The following GALNTL6 variants were observed in gnomAD, a reference collection of about 807,000 sequenced individuals.
GALNTL6 encodes the protein polypeptide N-acetylgalactosaminyltransferase-like 6.
A neutral mutation model predicts 73.7 loss-of-function variants in GALNTL6; 46 were observed. That is an observed-to-expected ratio of 0.62 (90% CI 0.49 to 0.80). The LOEUF is 0.80. GALNTL6 is among the 30% of genes least tolerant of loss of function. The probability of loss-of-function intolerance (pLI) is 0.00; values close to 1 mark genes in which losing one functional copy is unlikely to be tolerated. For synonymous variants in GALNTL6, 259 were observed against 263.7 expected (o/e 0.98, Z 0.17); for missense variants, 604 against 755.0 (o/e 0.80, Z 2.34).
At chr4:172,411,062 A>G (rs1744416888) in intron 5 of GALNTL6, among the ~76,000 whole-genome samples, 1 of 152,146 alleles carries the variant, frequency 6.6e-6, no homozygotes, top group South Asian at 2.1e-4. Flanking sequence ...TAAATGAACT[A>G]TGCTACCCCC....
intron 5 of GALNTL6, among the ~76,000 whole-genome samples, chr4:172,502,429 A>C (rs979141251): frequency 5.9e-5 from 9 of 152,326 alleles, no homozygotes; most frequent in African/African-American, 2.2e-4. Flanking sequence ...AACATTGATT[A>C]AAATTAGTCA....
intron 5 of GALNTL6, among the ~76,000 whole-genome samples, chr4:172,484,851 T>C (rs1325691516): frequency 6.6e-6 from 1 of 152,174 alleles, no homozygotes; most frequent in Admixed American, 6.5e-5. Context: ...CAATATAACC[T>C]TGTTTTGGAG....
chr4:172,189,872 C>A (rs570584885), intron 2 of GALNTL6, among the ~76,000 whole-genome samples: 1 of 152,080 alleles, frequency 6.6e-6, no homozygotes, highest in Non-Finnish European at 1.5e-5. Context: ...TAACTTGAGG[C>A]AGATGGAAAT....
chr4:172,150,752 A>G (rs1055621355), intron 2 of GALNTL6, among the ~76,000 whole-genome samples: 2 of 152,200 alleles, frequency 1.3e-5, no homozygotes, highest in East Asian at 1.9e-4. Context: ...CGACATAATA[A>G]AAGATACATT....
At chr4:172,707,640 T>C (rs1223917634) in intron 5 of GALNTL6, among the ~76,000 whole-genome samples, 1 of 152,190 alleles carries the variant, frequency 6.6e-6, no homozygotes, top group African/African-American at 2.4e-5. Context: ...GAAGACTTTA[T>C]TCAGACCTGT....
chr4:172,535,040 A>T (rs1735299786), intron 5 of GALNTL6, among the ~76,000 whole-genome samples: 1 of 152,224 alleles, frequency 6.6e-6, no homozygotes. Flanking sequence ...ACAAGAGCTA[A>T]ACACGACATT....
intron 2 of GALNTL6, among the ~76,000 whole-genome samples, chr4:172,194,976 ACC>A (rs751661096): frequency 1.3e-5 from 2 of 152,292 alleles, no homozygotes; most frequent in Non-Finnish European, 2.9e-5. Flanking sequence ...TGCACTAAAT[ACC>A]CCAATTAAAA....
At chr4:172,313,988 C>T (rs911410222) in intron 4 of GALNTL6, among the ~76,000 whole-genome samples, 1 of 152,114 alleles carries the variant, frequency 6.6e-6, no homozygotes, top group Non-Finnish European at 1.5e-5. Context: ...AAACGGAGAG[C>T]CAAATAATGT....
intron 5 of GALNTL6, among the ~76,000 whole-genome samples, chr4:172,385,818 T>A (rs919728783): frequency 6.6e-6 from 1 of 151,998 alleles, no homozygotes; most frequent in Non-Finnish European, 1.5e-5. Context: ...GTCTTTTGCT[T>A]CTTTGTTCTT....
At position 172,352,990 on chromosome 4, in the gene GALNTL6, A is replaced by G. The variant is rs146280829; in HGVS notation, c.553+4301A>G. ...TAGACAGCCCGCACTCCTACTATCC[A>G]AATTGTGGTGCATGGACCAGCAGCA... is the stretch of plus-strand genomic sequence containing the variant. On this transcript the variant is annotated intron_variant, in intron 5 of 12. Transcript: ENST00000506823. 3.9e-4 allele frequency among the ~76,000 whole-genome samples: 59 copies of G among 152,244 alleles called. 3 individuals carry two copies. The East Asian group carries it at 0.011, about 29-fold the overall frequency.
intron 2 of GALNTL6, among the ~76,000 whole-genome samples, chr4:172,160,735 T>G (rs1414766546): frequency 6.6e-6 from 1 of 151,862 alleles, no homozygotes; most frequent in Non-Finnish European, 1.5e-5. Flanking sequence ...ATTATAGGGA[T>G]ATATAAATTT....
At chr4:172,986,831 T>G (rs1751310261) in intron 10 of GALNTL6, among the ~76,000 whole-genome samples, 1 of 152,188 alleles carries the variant, frequency 6.6e-6, no homozygotes, top group Non-Finnish European at 1.5e-5. Context: ...CACATTTTTC[T>G]TGACTGTATC....
rs1188538488 is a variant in GALNTL6 at position 172,893,342 on chromosome 4, T to TGGG, written c.1041+10437_1041+10438insGGG. On this transcript the variant is annotated intron_variant, in intron 8 of 12. Transcript: ENST00000506823. The stretch of plus-strand genomic sequence containing the variant: ...ATCACTCTTCTAAGTGTTCTGAGAG[T>TGGG]GGCGGGGGGGGGGTCTTCCCCTTCT... 9.7e-4 allele frequency among the ~76,000 whole-genome samples: 126 copies of TGGG among 129,596 alleles called. 3 individuals carry two copies. The highest frequency in any genetic ancestry group is 3.8e-3 in the African/African-American group (117 of 30,404). 85.0% of individuals were successfully genotyped at this position (129,596 alleles called of 152,430 possible). A position where few individuals can be genotyped will look rare whatever the true frequency, so the allele number is the denominator to read the frequency against.
At chr4:172,014,327 C>T (rs565746394) in intron 2 of GALNTL6, among the ~76,000 whole-genome samples, 1 of 152,130 alleles carries the variant, frequency 6.6e-6, no homozygotes, top group East Asian at 1.9e-4. Context: ...TACTAATTTT[C>T]ATTCCCACCA....
intron 2 of GALNTL6, among the ~76,000 whole-genome samples, chr4:172,134,382 TA>T (rs5864118): frequency 1.6e-3 from 226 of 142,096 alleles, no homozygotes; most frequent in Middle Eastern, 7.5e-3. Context: ...GAGACTCCTC[TA>T]AAAAAAAAAA....
intron 5 of GALNTL6, among the ~76,000 whole-genome samples, chr4:172,550,033 T>G (rs779694647): frequency 1.3e-5 from 2 of 152,208 alleles, no homozygotes; most frequent in Non-Finnish European, 2.9e-5. Context: ...ATAATTAACA[T>G]TGAAGCAGTG....
chr4:172,025,012 C>T (rs1741515761), intron 2 of GALNTL6, among the ~76,000 whole-genome samples: 1 of 151,794 alleles, frequency 6.6e-6, no homozygotes, highest in Non-Finnish European at 1.5e-5. Flanking sequence ...GATTCATAAA[C>T]CTGGGATGGG....
At chr4:172,686,085 G>T (rs1732901490) in intron 5 of GALNTL6, among the ~76,000 whole-genome samples, 1 of 152,146 alleles carries the variant, frequency 6.6e-6, no homozygotes, top group Non-Finnish European at 1.5e-5. Context: ...ATAAGCCCTT[G>T]GAGAGTAAGT....
At chr4:172,878,873 T>A (rs1033161075) in intron 7 of GALNTL6, among the ~76,000 whole-genome samples, 3 of 151,682 alleles carry the variant, frequency 2.0e-5, no homozygotes, top group Admixed American at 2.0e-4. Flanking sequence ...ATTTTAAGCA[T>A]AAAGACACAA....
Sources: allele counts gnomAD v4.1 joint callset (sites outside exome capture counted in the v4.1 genomes callset), GRCh38; gene constraint gnomAD v4.1.1; transcripts MANE v1.5; gene names NCBI Gene and HGNC (gene_info 2026-07-23, HGNC 2026-07-21).